Variants in RADIL observed in about 807,000 individuals in gnomAD.
RADIL encodes the protein ras-associating and dilute domain-containing protein.
Under a neutral mutation model 97.6 loss-of-function variants are expected in RADIL, and 99 were observed. That is an observed-to-expected ratio of 1.01 (90% CI 0.86 to 1.20). The LOEUF is 1.20. Ranked by LOEUF, RADIL falls within the 50% of genes most tolerant of loss-of-function variation. The pLI is 0.00. For missense variants in RADIL, 1,765 were observed against 1,498.9 expected (o/e 1.18, Z -2.93); for synonymous variants, 803 against 691.8 (o/e 1.16, Z -2.52).
chr7:4,845,943 C>A (rs927732200), intron 2 of RADIL, among the ~76,000 whole-genome samples: 3 of 152,040 alleles, frequency 2.0e-5, no homozygotes, highest in Non-Finnish European at 4.4e-5. Flanking sequence ...TAGCCAGTTA[C>A]CCCGGGAAGC....
In RADIL at chr7:4,815,403, C is replaced by T. The variant is rs771960815; in HGVS notation, c.2014G>A (p.Ala672Thr). ...CACTCCAGGAGCTGCTGCAGGCGGG[C>T]GCAGGCCTGGACACCTCTGGGCCAG... ...FHWPRGVQAC[A>T]RLQQLLEWMR... The change falls in exon 9 of 15, where the codon GCC (alanine) becomes ACC (threonine). Residue 672 changes from alanine to threonine, a missense_variant. Ala to Thr is a moderately conservative substitution (Grantham distance 58, BLOSUM62 0). Coordinates refer to ENST00000399583, the MANE Select transcript of RADIL (RefSeq NM_018059.5). The surrounding 1 kb of genome is among the most constrained non-coding windows in gnomAD (Gnocchi z 8.0). 8.8e-5 allele frequency: 138 copies of T among 1,562,614 alleles called. No homozygotes were observed. Among genetic ancestry groups the T allele is most frequent in the Middle Eastern group, 1.8e-4 (1 of 5,670 alleles).
rs200846334 is a variant in RADIL at position 4,836,351 on chromosome 7, G to A, written c.783+7C>T. 6.4e-7 allele frequency: 1 copy of A among 1,568,394 alleles called. No homozygotes were observed. The highest frequency in any genetic ancestry group is 8.6e-7 in the Non-Finnish European group (1 of 1,156,574). The stretch of plus-strand genomic sequence containing the variant: ...CCGGGCAGTGGGTGTCAGGAGGGGA[G>A]GCTCACGTGCTGCTGGCTGTAGCCC... On this transcript the variant is annotated splice_region_variant and intron_variant, in intron 3 of 14. Coordinates refer to ENST00000399583, the MANE Select transcript of RADIL (RefSeq NM_018059.5).
At chr7:4,856,089 A>G (rs1398255849) in intron 2 of RADIL, among the ~76,000 whole-genome samples, 1 of 147,404 alleles carries the variant, frequency 6.8e-6, no homozygotes, top group African/African-American at 2.6e-5. Flanking sequence ...GCTTACAAGC[A>G]TGAACCACTG....
chr7:4,877,774 A>G lies in RADIL; in HGVS notation c.366T>C (p.Ala122=), dbSNP rs1356098593. 1 of 1,612,794 alleles carries G rather than the reference A, an allele frequency of 6.2e-7. No individual in the cohort carries two copies. The highest frequency in any genetic ancestry group is 1.3e-5 in the African/African-American group (1 of 74,938). The change falls in exon 2 of 15, where the codon GCT becomes GCC. Residue 122 remains alanine, a synonymous_variant. Coordinates refer to ENST00000399583, the MANE Select transcript of RADIL (RefSeq NM_018059.5). The stretch of plus-strand genomic sequence containing the variant: ...AGCACCGGGCCTGCCACCGCTGCCC[A>G]GCATCGCCGGCTTGGCCCACCACGT... ...LCDVVGQAGD[A]GQRWQARCFR...
chr7:4,872,935 A>G lies in RADIL; in HGVS notation c.535+4670T>C, dbSNP rs115211632. On this transcript the variant is annotated intron_variant, in intron 2 of 14. Coordinates refer to ENST00000399583, the MANE Select transcript of RADIL (RefSeq NM_018059.5). The surrounding 1 kb of genome is among the most constrained non-coding windows in gnomAD (Gnocchi z 5.8). Reference sequence around the variant, plus strand: ...AACCCGTTAGCCCAACCCAGAACCAATGTGACTCTGTTTTTCTTTTGAGTC... The same window carrying G: ...AACCCGTTAGCCCAACCCAGAACCAGTGTGACTCTGTTTTTCTTTTGAGTC... 0.023 allele frequency among the ~76,000 whole-genome samples: 3,445 copies of G among 152,066 alleles called. 138 individuals carry two copies. Among genetic ancestry groups the G allele is most frequent in the African/African-American group, 0.08 (3,305 of 41,464 alleles).
intron 12 of RADIL, among the ~76,000 whole-genome samples, chr7:4,800,963 G>A (rs118117194): frequency 0.018 from 2,743 of 152,302 alleles, 36 homozygotes; most frequent in Middle Eastern, 0.045. Flanking sequence ...GGCCAGGGCC[G>A]GCTGGGGCTG....
rs552699497 is a variant in RADIL, at chr7:4,809,239, C to G, written c.2140-3523G>C. 25 of 985,332 alleles carry G rather than the reference C, an allele frequency of 2.5e-5. No individual in the cohort carries two copies. The African/African-American group carries it at 3.0e-4, about 12-fold the overall frequency. The allele number at this position is 985,332 out of a possible 1,614,324, so 61.0% of individuals were successfully genotyped here. A position where few individuals can be genotyped will look rare whatever the true frequency, so the allele number is the denominator to read the frequency against. On this transcript the variant is annotated intron_variant, in intron 9 of 14. Coordinates refer to ENST00000399583, the MANE Select transcript of RADIL (RefSeq NM_018059.5). ...CCTGCCCATCTCCCGCAGGGGCGCTCGGGCCTGGCCGCCAAGCTGGGCGAG... is the reference window on the plus strand; with the variant it reads ...CCTGCCCATCTCCCGCAGGGGCGCTGGGGCCTGGCCGCCAAGCTGGGCGAG...
intron 9 of RADIL, among the ~76,000 whole-genome samples, chr7:4,810,550 G>A (rs766419550): frequency 6.6e-6 from 1 of 152,190 alleles, no homozygotes; most frequent in Non-Finnish European, 1.5e-5. Flanking sequence ...TCATGTTGTT[G>A]ATAAATAGAA....
At chr7:4,802,329 T>TGGA in intron 11 of RADIL, among the ~76,000 whole-genome samples, 1 of 137,638 alleles carries the variant, frequency 7.3e-6, no homozygotes, top group South Asian at 2.4e-4. Context: ...GCATGCTGGC[T>TGGA]GGGCCCCCTC....
rs138189622 is a variant in RADIL, at chr7:4,878,668, C to T, written c.-64-465G>A. ...ACCGAGAGGACTAAACGGGCTGGAGCGCCCTTCAAGGAAAGCCATTACTGG... is the reference window on the plus strand; with the variant it reads ...ACCGAGAGGACTAAACGGGCTGGAGTGCCCTTCAAGGAAAGCCATTACTGG... On this transcript the variant is annotated intron_variant, in intron 1 of 14. Coordinates refer to ENST00000399583, the MANE Select transcript of RADIL (RefSeq NM_018059.5). The surrounding 1 kb of genome is among the most constrained non-coding windows in gnomAD (Gnocchi z 4.1). Among the ~76,000 whole-genome samples the T allele has an allele frequency of 2.0e-5, 3 of 152,334 alleles. No homozygotes were observed. The highest frequency in any genetic ancestry group is 2.1e-4 in the South Asian group (1 of 4,824).
intron 2 of RADIL, chr7:4,858,692 A>G (rs1783896463): frequency 6.6e-6 from 1 of 152,638 alleles, no homozygotes; most frequent in African/African-American, 2.4e-5. Context: ...TGGTCATCCA[A>G]GATCAGAAAC....
intron 2 of RADIL, chr7:4,860,740 T>C (rs1231523582): frequency 6.2e-7 from 1 of 1,614,148 alleles, no homozygotes; most frequent in Non-Finnish European, 8.5e-7. Flanking sequence ...TGGACCACTC[T>C]GCCTTACTTA....
At chr7:4,866,172 G>C (rs138225366) in intron 2 of RADIL, among the ~76,000 whole-genome samples, 1 of 152,208 alleles carries the variant, frequency 6.6e-6, no homozygotes, top group Non-Finnish European at 1.5e-5. Flanking sequence ...TAAGAGATAA[G>C]GTCTCCTCTG....
intron 2 of RADIL, among the ~76,000 whole-genome samples, chr7:4,836,846 G>A (rs988308613): frequency 2.0e-5 from 3 of 152,116 alleles, no homozygotes; most frequent in South Asian, 4.1e-4. Context: ...GCTGAGGCAC[G>A]AGAATGGCTT....
rs2115009079 is a variant in RADIL at position 4,840,789 on chromosome 7, A to G, written c.536-4184T>C. On this transcript the variant is annotated intron_variant, in intron 2 of 14. Coordinates refer to ENST00000399583, the MANE Select transcript of RADIL (RefSeq NM_018059.5). The surrounding 1 kb of genome is among the most constrained non-coding windows in gnomAD (Gnocchi z 5.6). ...CAAGACCATCCTGGCCAACATGGTG[A>G]AACCCCGTCTGTACTAAAAATACAA... Among the ~76,000 whole-genome samples, 1 of 152,302 alleles carries G rather than the reference A, an allele frequency of 6.6e-6. No homozygotes were observed. Among genetic ancestry groups the G allele is most frequent in the Non-Finnish European group, 1.5e-5 (1 of 68,032 alleles).
Position 4,837,922 on chromosome 7 carries a change from C to G in RADIL, c.536-1317G>C. On this transcript the variant is annotated intron_variant, in intron 2 of 14. Coordinates refer to ENST00000399583, the MANE Select transcript of RADIL (RefSeq NM_018059.5). This position sits in a 1 kb window ranked among gnomAD's most constrained non-coding sequence, Gnocchi z 5.6. The stretch of plus-strand genomic sequence containing the variant: ...GGTTAAGATCCATCCCCATCTGTGG[C>G]GGCCTTTCCTCCAACCATTCCCAAT... 3 of 985,420 alleles carry G rather than the reference C, an allele frequency of 3.0e-6. No individual in the cohort carries two copies. The highest frequency in any genetic ancestry group is 3.6e-6 in the Non-Finnish European group (3 of 829,924). The allele number at this position is 985,420 out of a possible 1,614,324, so 61.0% of individuals were successfully genotyped here. A position where few individuals can be genotyped will look rare whatever the true frequency, so the allele number is the denominator to read the frequency against.
At chr7:4,804,175 C>T (rs998185280) in intron 10 of RADIL, 10 of 288,312 alleles carry the variant, frequency 3.5e-5, no homozygotes, top group African/African-American at 1.1e-4. Flanking sequence ...GGGACCCAAA[C>T]GGCCTGTGTG....
At position 4,842,424 on chromosome 7, in the gene RADIL, A is replaced by G. The variant is rs1461312661; in HGVS notation, c.536-5819T>C. ...GGCGAGGGAGACAGCATGCAGCCACAGCCACACGGCTTTGTCTAGGCCACC... is the reference window on the plus strand; with the variant it reads ...GGCGAGGGAGACAGCATGCAGCCACGGCCACACGGCTTTGTCTAGGCCACC... On this transcript the variant is annotated intron_variant, in intron 2 of 14. Transcript: ENST00000399583. The surrounding 1 kb of genome is among the most constrained non-coding windows in gnomAD (Gnocchi z 4.5). Among the ~76,000 whole-genome samples, 5 of 152,176 alleles carry G rather than the reference A, an allele frequency of 3.3e-5. No homozygotes were observed. In the South Asian group the frequency reaches 8.3e-4, roughly 25 times the overall value.
intron 1 of RADIL, among the ~76,000 whole-genome samples, chr7:4,881,942 C>T (rs909059267): frequency 1.3e-5 from 2 of 151,816 alleles, no homozygotes; most frequent in African/African-American, 4.8e-5. Context: ...GTTGTTCCCC[C>T]CACTTCCCCC....
Sources: gnomAD v4.1 joint callset for allele counts (sites outside exome capture counted in the v4.1 genomes callset) on GRCh38, gnomAD v4.1.1 for gene constraint, Gnocchi (gnomAD v3.1) non-coding constraint, MANE v1.5 for transcripts, NCBI Gene and HGNC (gene_info 2026-07-23, HGNC 2026-07-21) for gene names.